DENND4A: variants seen among roughly 807,000 people sequenced by gnomAD.
DENND4A encodes C-myc promoter-binding protein.
Under a neutral mutation model 199.3 loss-of-function variants are expected in DENND4A, and 70 were observed. That is an observed-to-expected ratio of 0.35 (90% CI 0.29 to 0.43). The LOEUF (loss-of-function observed/expected upper bound fraction) is 0.43, where lower values mean the gene tolerates loss of function less well. DENND4A is among the 20% of genes least tolerant of loss of function. The pLI is 1.00. For synonymous variants in DENND4A, 686 were observed against 766.9 expected, an observed-to-expected ratio of 0.89 and a Z score of 1.74; for missense variants, 1,723 against 2,255.8, an observed-to-expected ratio of 0.76 and a Z score of 4.78.
Position 65,661,043 on chromosome 15 carries a change from G to C in DENND4A, c.*808C>G, listed in dbSNP as rs2075831191. ...CCCTGTATACTATACGTATCTATTA[G>C]CAATAGAGACAATTTTGGAGTCATG... On this transcript the variant is annotated 3_prime_UTR_variant, in exon 33 of 33. Transcript: ENST00000443035. 1 of 151,996 alleles carries C rather than the reference G, an allele frequency of 6.6e-6. No individual in the cohort carries two copies. Among genetic ancestry groups the C allele is most frequent in the African/African-American group, 2.4e-5 (1 of 41,362 alleles). The allele number at this position is 151,996 out of a possible 1,614,324, so 9.4% of individuals were successfully genotyped here.
At chr15:65,690,325 TAGA>T (rs939811407) in intron 23 of DENND4A, 87 bp downstream of exon 23, 3 of 1,368,208 alleles carry the variant, frequency 2.2e-6, no homozygotes, top group Admixed American at 2.8e-5. Context: ...AAGCTATGTT[TAGA>T]AGAATAGTTA....
intron 11 of DENND4A, among the ~76,000 whole-genome samples, chr15:65,726,448 A>G (rs2075805638): frequency 6.6e-6 from 1 of 152,250 alleles, no homozygotes; most frequent in Non-Finnish European, 1.5e-5. Flanking sequence ...CTGGTAAAGA[A>G]TGAAATGTTG....
chr15:65,660,147 G>T lies in DENND4A; in HGVS notation c.*1704C>A, dbSNP rs964085560. On this transcript the variant is annotated 3_prime_UTR_variant, in exon 33 of 33. Transcript: ENST00000443035. ...ATGAAGCTTGGATCTGAATAGTAAAGAATAATATTGGAGTGGTATTTACAA... is the reference window on the plus strand; with the variant it reads ...ATGAAGCTTGGATCTGAATAGTAAATAATAATATTGGAGTGGTATTTACAA... 33 of 625,900 alleles carry T rather than the reference G, an allele frequency of 5.3e-5. No individual in the cohort carries two copies. The African/African-American group carries it at 5.9e-4, about 11-fold the overall frequency. 38.8% of individuals were successfully genotyped at this position (625,900 alleles called of 1,614,324 possible). A position where few individuals can be genotyped will look rare whatever the true frequency, so the allele number is the denominator to read the frequency against.
chr15:65,727,323 G>C (rs922695901), intron 11 of DENND4A, among the ~76,000 whole-genome samples: 3 of 150,678 alleles, frequency 2.0e-5, no homozygotes, highest in African/African-American at 4.9e-5. Flanking sequence ...CATGGTGGCG[G>C]GTACCTGTAG....
chr15:65,775,876 A>C (rs376584521), intron 1 of DENND4A, among the ~76,000 whole-genome samples: 1 of 152,184 alleles, frequency 6.6e-6, no homozygotes, highest in East Asian at 1.9e-4. Flanking sequence ...AATTCACTTC[A>C]GTCATACTGA....
chr15:65,715,675 C>G, intron 13 of DENND4A, 52 bp from the exon 14 acceptor site: 1 of 1,472,890 alleles, frequency 6.8e-7, no homozygotes. Flanking sequence ...TTCATAGATT[C>G]ACAGAATATT....
At position 65,690,942 on chromosome 15, in the gene DENND4A, C is replaced by A; in HGVS notation, c.3652G>T (p.Val1218Phe). The change falls in exon 23 of 33, where the codon GTT (valine) becomes TTT (phenylalanine). Residue 1218 changes from valine to phenylalanine, a missense_variant. Val to Phe is a conservative substitution (Grantham distance 50). Transcript: ENST00000443035. Reference sequence around the variant, plus strand: ...TTTTGCTGCTGTTCAGTCTCAGCAACCAAAAGAGAGAGGGGATCAAATCCT... The same window carrying A: ...TTTTGCTGCTGTTCAGTCTCAGCAAACAAAAGAGAGAGGGGATCAAATCCT... ...ATGFDPLSLLVAETEQQQKEE... is the reference protein window; with the variant it reads ...ATGFDPLSLLFAETEQQQKEE... 1 of 1,602,924 alleles carries A rather than the reference C, an allele frequency of 6.2e-7. No individual in the cohort carries two copies. Among genetic ancestry groups the A allele is most frequent in the Non-Finnish European group, 8.5e-7 (1 of 1,174,114 alleles).
In DENND4A at chr15:65,732,799, G is replaced by A. The variant is rs1360012326; in HGVS notation, c.1060C>T (p.His354Tyr). ...PIEKHISHFM[H>Y]KVPFPSPQRP... ...TGAGGAGATGGAAAAGGAACTTTAT[G>A]CATAAAATGAGAAATATGCCTTGAA... is the stretch of plus-strand genomic sequence containing the variant. Residue 354 changes from histidine (H) to tyrosine (Y), a missense_variant, in exon 8 of 33, where the codon CAT (histidine) becomes TAT (tyrosine). Physicochemically the swap from His to Tyr is moderately conservative, Grantham distance 83. Coordinates refer to ENST00000443035, the MANE Select transcript of DENND4A (RefSeq NM_001320835.1). 6.4e-5 allele frequency: 102 copies of A among 1,600,812 alleles called. No individual in the cohort carries two copies. The highest frequency in any genetic ancestry group is 7.8e-5 in the Non-Finnish European group (91 of 1,169,482).
chr15:65,702,692 T>C (rs1180889991), intron 16 of DENND4A, among the ~76,000 whole-genome samples, 181 bp from the exon 17 acceptor site: 8 of 152,218 alleles, frequency 5.3e-5, no homozygotes, highest in African/African-American at 1.4e-4. Context: ...AAAATAAAGT[T>C]CTAGGACAAG....
chr15:65,691,878 T>A (rs960195286), intron 22 of DENND4A, among the ~76,000 whole-genome samples: 1 of 151,984 alleles, frequency 6.6e-6, no homozygotes, highest in South Asian at 2.1e-4. Context: ...TAATAATGAA[T>A]TTATATTAAT....
chr15:65,772,096 G>A (rs1233075428), intron 1 of DENND4A: 9 of 958,422 alleles, frequency 9.4e-6, no homozygotes, highest in Admixed American at 1.8e-5. Flanking sequence ...AGAGCCTCCT[G>A]GACGATGTCG....
intron 14 of DENND4A, among the ~76,000 whole-genome samples, chr15:65,710,101 T>A (rs887764961): frequency 6.6e-6 from 1 of 152,170 alleles, no homozygotes; most frequent in Non-Finnish European, 1.5e-5. Context: ...GACAACATAA[T>A]GTATTAACCA....
chr15:65,674,315 C>T lies in DENND4A; in HGVS notation c.4369+2130G>A, dbSNP rs114752320. Among the ~76,000 whole-genome samples, 513 of 152,060 alleles carry T rather than the reference C, an allele frequency of 3.4e-3. 4 individuals carry two copies. Among genetic ancestry groups the T allele is most frequent in the African/African-American group, 0.012 (495 of 41,482 alleles). On this transcript the variant is annotated intron_variant, in intron 24 of 32. Transcript: ENST00000443035. ...AGCCCATAAAGTGTTCAAAAATAGCCGAGTTAATCTATGGTGTTAGAAGTT... is the reference window on the plus strand; with the variant it reads ...AGCCCATAAAGTGTTCAAAAATAGCTGAGTTAATCTATGGTGTTAGAAGTT...
rs2077758199 is a variant in DENND4A, at chr15:65,792,238, CCTCTTT to C, written c.-336_-331del. On this transcript the variant is annotated 5_prime_UTR_variant, in exon 1 of 33. Coordinates refer to ENST00000443035, the MANE Select transcript of DENND4A (RefSeq NM_001320835.1). Reference sequence around the variant, plus strand: ...CCCCTCGCGGCCGCCACTGCCTCCGCCTCTTTCTCCGACTCTAGCCTCCGCGGCCAC... The same window carrying C: ...CCCCTCGCGGCCGCCACTGCCTCCGCCTCCGACTCTAGCCTCCGCGGCCAC... 8 of 152,502 alleles carry C rather than the reference CCTCTTT, an allele frequency of 5.2e-5. No homozygotes were observed. In the South Asian group the frequency reaches 1.6e-3, roughly 31 times the overall value. 9.4% of individuals were successfully genotyped at this position (152,502 alleles called of 1,614,324 possible).
At chr15:65,697,197 T>A in intron 21 of DENND4A, 70 bp downstream of exon 21, 1 of 1,009,634 alleles carries the variant, frequency 9.9e-7, no homozygotes. Flanking sequence ...AGCACTTTTA[T>A]AAAATCACCT....
chr15:65,659,329 T>TTTG lies in DENND4A; in HGVS notation c.*2521_*2522insCAA. On this transcript the variant is annotated 3_prime_UTR_variant, in exon 33 of 33. Transcript: ENST00000443035. The stretch of plus-strand genomic sequence containing the variant: ...AATGATTGATATTTTCTGGTTTTTT[T>TTTG]TTTTTTTTTTTTTTTTTTTTTTGAG... 2.4e-5 allele frequency: 3 copies of TTTG among 124,644 alleles called. No individual in the cohort carries two copies. The highest frequency in any genetic ancestry group is 5.2e-5 in the Non-Finnish European group (3 of 57,932). 7.7% of individuals were successfully genotyped at this position (124,644 alleles called of 1,614,324 possible).
At chr15:65,703,156 A>C in intron 15 of DENND4A, 148 bp from the exon 16 acceptor site, 1 of 650,120 alleles carries the variant, frequency 1.5e-6, no homozygotes, top group Non-Finnish European at 2.4e-6. Flanking sequence ...ATATACACTC[A>C]ACAAATATTC....
At chr15:65,755,761 T>C (rs2076685196) in intron 3 of DENND4A, among the ~76,000 whole-genome samples, 1 of 152,134 alleles carries the variant, frequency 6.6e-6, no homozygotes, top group Admixed American at 6.6e-5. Flanking sequence ...ATTAACCCTG[T>C]CCCTTTAAAA....
intron 5 of DENND4A, among the ~76,000 whole-genome samples, chr15:65,740,872 G>A (rs2076243086): frequency 6.6e-6 from 1 of 151,946 alleles, no homozygotes; most frequent in Non-Finnish European, 1.5e-5. Context: ...TGAGGCAAGA[G>A]GATACCTTGA....
Sources: allele counts gnomAD v4.1 joint callset (sites outside exome capture counted in the v4.1 genomes callset), GRCh38; gene constraint gnomAD v4.1.1; transcripts MANE v1.5; gene names NCBI Gene and HGNC (gene_info 2026-07-23, HGNC 2026-07-21).